CACNA1D: variants seen among roughly 807,000 people sequenced by gnomAD.
CACNA1D encodes calcium voltage-gated channel subunit alpha1 D.
CACNA1D carries 55 observed loss-of-function variants against 257.1 expected under a neutral mutation model. The observed-to-expected ratio is 0.21, with a 90% CI of 0.17 to 0.27. CACNA1D has a LOEUF of 0.27. Ranked by LOEUF, CACNA1D falls within the 10% of genes least tolerant of loss-of-function variation. The pLI, the probability that CACNA1D is intolerant of heterozygous loss-of-function variation, is 1.00. For missense variants in CACNA1D, 1,876 were observed against 2,784.0 expected (o/e 0.67, Z 7.34); for synonymous variants, 980 against 1,014.9 (o/e 0.97, Z 0.65).
chr3:53,733,929 T>TG lies in CACNA1D; in HGVS notation c.2621+967_2621+968insG, dbSNP rs1491513342. Among the ~76,000 whole-genome samples the TG allele has an allele frequency of 1.8e-3, 150 of 84,394 alleles. 1 individual carries two copies. In the Middle Eastern group the frequency reaches 0.044, roughly 25 times the overall value. 55.4% of individuals were successfully genotyped at this position (84,394 alleles called of 152,430 possible). ...ACAGCCCTTTGTGTGTGTGTGTGTGTTTGTGTGTGTGTGTGTGTGTGTGTA... is the reference window on the plus strand; with the variant it reads ...ACAGCCCTTTGTGTGTGTGTGTGTGTGTTGTGTGTGTGTGTGTGTGTGTGTA... On this transcript the variant is annotated intron_variant, in intron 19 of 47. Transcript: ENST00000350061.
At chr3:53,659,077 C>T (rs1050378180) in intron 4 of CACNA1D, among the ~76,000 whole-genome samples, 27 of 152,160 alleles carry the variant, frequency 1.8e-4, no homozygotes, top group African/African-American at 6.5e-4. Context: ...GCCAGTCATT[C>T]CCACAATCTG....
chr3:53,767,770 G>A (rs1031456734), intron 30 of CACNA1D, among the ~76,000 whole-genome samples: 1 of 152,040 alleles, frequency 6.6e-6, no homozygotes, highest in Admixed American at 6.5e-5. Flanking sequence ...CCATCCTCAG[G>A]GTTCTTTAAA....
intron 8 of CACNA1D, among the ~76,000 whole-genome samples, chr3:53,702,237 C>G (rs1488094926): frequency 6.6e-6 from 1 of 152,170 alleles, no homozygotes; most frequent in African/African-American, 2.4e-5. Context: ...ACTCTTTGAC[C>G]ACAGCTTGGC....
At chr3:53,655,284 G>T (rs1559474009) in intron 4 of CACNA1D, among the ~76,000 whole-genome samples, 2 of 152,146 alleles carry the variant, frequency 1.3e-5, no homozygotes, top group Non-Finnish European at 2.9e-5. Flanking sequence ...ACATTAACAT[G>T]CATGTGTCTT....
chr3:53,599,642 T>G (rs2093416615), intron 3 of CACNA1D, among the ~76,000 whole-genome samples: 1 of 152,196 alleles, frequency 6.6e-6, no homozygotes. Context: ...CATAATATCC[T>G]TAAACTCACT....
chr3:53,808,613 T>C, intron 45 of CACNA1D, 36 bp from the exon 46 acceptor site: 4 of 1,603,270 alleles, frequency 2.5e-6, no homozygotes, highest in Non-Finnish European at 3.4e-6. Context: ...GCAGAGAACT[T>C]GCTTCACAGC....
intron 22 of CACNA1D, 132 bp downstream of exon 22, chr3:53,743,249 C>G (rs1262116518): frequency 1.5e-6 from 1 of 668,320 alleles, no homozygotes; most frequent in Non-Finnish European, 2.7e-6. Context: ...TTAATTTGCT[C>G]CCATTCCAGA....
In CACNA1D at chr3:53,801,159, A is replaced by G; in HGVS notation, c.5142A>G (p.Gln1714=). The change falls in exon 42 of 48, where the codon CAA becomes CAG. Residue 1714 remains glutamine, a synonymous_variant. Coordinates refer to ENST00000350061, the MANE Select transcript of CACNA1D (RefSeq NM_001128840.3). ...TNTTHRPLHV[Q]RPSIPPASDT... ...CCACCCACCGTCCCCTGCATGTCCA[A>G]AGGCCTTCAATTCCACCTGCAAGTG... The G allele has an allele frequency of 6.2e-7, 1 of 1,613,832 alleles. No individual in the cohort carries two copies. The highest frequency in any genetic ancestry group is 8.5e-7 in the Non-Finnish European group (1 of 1,179,852).
chr3:53,635,789 C>T (rs2093876054), intron 3 of CACNA1D, among the ~76,000 whole-genome samples: 1 of 152,194 alleles, frequency 6.6e-6, no homozygotes, highest in Non-Finnish European at 1.5e-5. Context: ...AAACTTGCAA[C>T]CTGGTTCCAC....
At chr3:53,752,001 G>A (rs1004254246) in intron 28 of CACNA1D, 94 bp downstream of exon 28, 1 of 1,286,368 alleles carries the variant, frequency 7.8e-7, no homozygotes, top group Non-Finnish European at 1.1e-6. Flanking sequence ...CCTCACAGGA[G>A]GGGTTTGATT....
At chr3:53,621,303 C>T (rs1318121629) in intron 3 of CACNA1D, among the ~76,000 whole-genome samples, 1 of 152,132 alleles carries the variant, frequency 6.6e-6, no homozygotes, top group Non-Finnish European at 1.5e-5. Flanking sequence ...TTCTGAGGCA[C>T]TTTTCAAAAT....
intron 30 of CACNA1D, among the ~76,000 whole-genome samples, chr3:53,764,322 A>G (rs2095320288): frequency 6.6e-6 from 1 of 152,230 alleles, no homozygotes; most frequent in African/African-American, 2.4e-5. Flanking sequence ...ATCATCTCAC[A>G]ACGCAAAGTG....
At position 53,800,737 on chromosome 3, in the gene CACNA1D, A is replaced by G; in HGVS notation, c.5041-321A>G. 2.0e-6 allele frequency: 1 copy of G among 508,826 alleles called. No homozygotes were observed. 31.5% of individuals were successfully genotyped at this position (508,826 alleles called of 1,614,324 possible). A position where few individuals can be genotyped will look rare whatever the true frequency, so the allele number is the denominator to read the frequency against. On this transcript the variant is annotated intron_variant, in intron 41 of 47. Transcript: ENST00000350061. The surrounding 1 kb of genome is among the most constrained non-coding windows in gnomAD (Gnocchi z 4.3). ...GCTGGCTGTCAGTCCCCCAGCCCAG[A>G]GAGCATGCCCAACCTTGGGGCCACC...
intron 3 of CACNA1D, among the ~76,000 whole-genome samples, chr3:53,555,701 A>G: frequency 6.6e-6 from 1 of 152,006 alleles, no homozygotes; most frequent in East Asian, 1.9e-4. Context: ...GGGAAGGAAG[A>G]ATCTTTAAAC....
rs2094521823 is a variant in CACNA1D, at chr3:53,691,706, TATAATATATATATTACATATATA to T, written c.1221-10931_1221-10909del. ...ATATATTGCAGATATATATTACATA[TATAATATATATATTACATATATA>T]ATATATATATTACATATATAATATA... On this transcript the variant is annotated intron_variant, in intron 8 of 47. Transcript: ENST00000350061. Among the ~76,000 whole-genome samples, 4 of 58,332 alleles carry T rather than the reference TATAATATATATATTACATATATA, an allele frequency of 6.9e-5. No homozygotes were observed. In the South Asian group the frequency reaches 1.5e-3, roughly 23 times the overall value. The allele number at this position is 58,332 out of a possible 152,430, so 38.3% of individuals were successfully genotyped here.
intron 3 of CACNA1D, among the ~76,000 whole-genome samples, chr3:53,645,552 G>A (rs2680656): frequency 0.62 from 93,914 of 152,008 alleles, 31,016 homozygotes; most frequent in African/African-American, 0.86. Flanking sequence ...CAGTTTTACC[G>A]TACCCCTTAT....
intron 9 of CACNA1D, chr3:53,710,320 G>A (rs533210072): frequency 2.3e-5 from 10 of 440,318 alleles, no homozygotes; most frequent in East Asian, 7.1e-5. Context: ...AGGGCTGGCC[G>A]CGTGGGGCCC....
intron 8 of CACNA1D, among the ~76,000 whole-genome samples, chr3:53,697,941 G>C (rs1191463129): frequency 6.6e-6 from 1 of 152,082 alleles, no homozygotes; most frequent in Non-Finnish European, 1.5e-5. Context: ...AAAGTCCCCT[G>C]GTTCCTTTTA....
chr3:53,686,212 A>C (rs1261807470), intron 8 of CACNA1D, among the ~76,000 whole-genome samples: 1 of 152,098 alleles, frequency 6.6e-6, no homozygotes, highest in Non-Finnish European at 1.5e-5. Context: ...AGAATCGCAA[A>C]CAGAATCTTC....
Sources: gnomAD v4.1 joint callset for allele counts (sites outside exome capture counted in the v4.1 genomes callset) on GRCh38, gnomAD v4.1.1 for gene constraint, Gnocchi (gnomAD v3.1) non-coding constraint, MANE v1.5 for transcripts, NCBI Gene and HGNC (gene_info 2026-07-23, HGNC 2026-07-21) for gene names.